Variants in ADAMTS19 observed in about 807,000 individuals in gnomAD.
ADAMTS19 encodes the protein ADAM metallopeptidase with thrombospondin type 1 motif 19, also known as A disintegrin and metalloproteinase with thrombospondin motifs 19.
ADAMTS19 carries 93 observed loss-of-function variants against 153.3 expected under a neutral mutation model. The observed-to-expected ratio is 0.61, with a 90% CI of 0.51 to 0.72. The LOEUF is 0.72. Ranked by LOEUF, ADAMTS19 falls within the 30% of genes least tolerant of loss-of-function variation. The pLI, the probability that ADAMTS19 is intolerant of heterozygous loss-of-function variation, is 0.00. For missense variants in ADAMTS19, 1,482 were observed against 1,552.1 expected (o/e 0.95, Z 0.76); for synonymous variants, 600 against 556.6 (o/e 1.08, Z -1.10).
chr5:129,504,100 A>G (rs892895619), intron 2 of ADAMTS19, among the ~76,000 whole-genome samples: 1 of 152,120 alleles, frequency 6.6e-6, no homozygotes, highest in Non-Finnish European at 1.5e-5. Flanking sequence ...TTTCAATTAT[A>G]TGAGTTTATT....
At chr5:129,562,300 G>C (rs762086396) in intron 7 of ADAMTS19, among the ~76,000 whole-genome samples, 3 of 152,148 alleles carry the variant, frequency 2.0e-5, no homozygotes, top group Non-Finnish European at 4.4e-5. Flanking sequence ...GTTGAGATTT[G>C]ATAAAATGAA....
In ADAMTS19 at chr5:129,528,545, G is replaced by A; in HGVS notation, c.1196G>A (p.Gly399Glu). Residue 399 changes from glycine to glutamate, a missense_variant, in exon 6 of 23, where the codon GGA becomes GAA. Physicochemically the swap from Gly to Glu is moderately conservative, Grantham distance 98. This residue lies in a region of ADAMTS19 where 866 missense variants were observed against 827.7 expected (regional missense o/e 1.05). Coordinates refer to ENST00000274487, the MANE Select transcript of ADAMTS19 (RefSeq NM_133638.6). Reference sequence around the variant, plus strand: ...CCAGAACTATATATTGGGCATCATGGAGAAAAAATGCTAGAGAGTTTTTGT... The same window carrying A: ...CCAGAACTATATATTGGGCATCATGAAGAAAAAATGCTAGAGAGTTTTTGT... ...TPPELYIGHH[G>E]EKMLESFCKW... 6.2e-7 allele frequency: 1 copy of A among 1,601,796 alleles called. No individual in the cohort carries two copies. Among genetic ancestry groups the A allele is most frequent in the Non-Finnish European group, 8.5e-7 (1 of 1,174,962 alleles).
At chr5:129,666,856 T>G (rs1413731410) in intron 16 of ADAMTS19, among the ~76,000 whole-genome samples, 1 of 152,206 alleles carries the variant, frequency 6.6e-6, no homozygotes, top group Non-Finnish European at 1.5e-5. Flanking sequence ...GCATGTATGT[T>G]TTCTTTTTTC....
chr5:129,560,667 C>T (rs1298287137), intron 7 of ADAMTS19, among the ~76,000 whole-genome samples: 1 of 152,160 alleles, frequency 6.6e-6, no homozygotes, highest in East Asian at 1.9e-4. Flanking sequence ...TTTCTCACTG[C>T]TGGAAGTAGA....
intron 21 of ADAMTS19, among the ~76,000 whole-genome samples, chr5:129,725,745 T>C (rs535979320): frequency 2.0e-5 from 3 of 152,164 alleles, no homozygotes; most frequent in South Asian, 4.1e-4. Flanking sequence ...TGCCTGACTA[T>C]CTAGCATAAC....
intron 7 of ADAMTS19, among the ~76,000 whole-genome samples, chr5:129,574,790 G>T (rs1754042928): frequency 6.7e-6 from 1 of 150,030 alleles, no homozygotes; most frequent in African/African-American, 2.5e-5. Flanking sequence ...TGCAGAAAAA[G>T]GTAAAAAAGC....
intron 7 of ADAMTS19, among the ~76,000 whole-genome samples, chr5:129,558,967 A>G (rs916187136): frequency 3.3e-5 from 5 of 152,128 alleles, no homozygotes; most frequent in Non-Finnish European, 5.9e-5. Context: ...AATGTTAATC[A>G]TAAAGAAGCT....
intron 2 of ADAMTS19, among the ~76,000 whole-genome samples, chr5:129,491,424 A>C (rs558787252): frequency 6.6e-6 from 1 of 152,274 alleles, no homozygotes; most frequent in South Asian, 2.1e-4. Context: ...TGTGAAAAGC[A>C]TTCTGTTATT....
At chr5:129,532,627 T>C (rs1260812103) in intron 6 of ADAMTS19, among the ~76,000 whole-genome samples, 1 of 152,184 alleles carries the variant, frequency 6.6e-6, no homozygotes, top group Non-Finnish European at 1.5e-5. Flanking sequence ...ACATAAAAAA[T>C]TGCACTTGAA....
chr5:129,612,185 C>T (rs1287783671), intron 8 of ADAMTS19, among the ~76,000 whole-genome samples: 3 of 142,162 alleles, frequency 2.1e-5, no homozygotes, highest in Non-Finnish European at 4.5e-5. Context: ...CATGTGTTCT[C>T]ATTATTCAAT....
chr5:129,701,715 TG>T, intron 20 of ADAMTS19, 123 bp downstream of exon 20: 1 of 1,015,618 alleles, frequency 9.8e-7, no homozygotes. Flanking sequence ...TTATTAATTT[TG>T]TTGATGATTA....
At chr5:129,471,641 T>G (rs1315454093) in intron 2 of ADAMTS19, among the ~76,000 whole-genome samples, 1 of 152,166 alleles carries the variant, frequency 6.6e-6, no homozygotes, top group Non-Finnish European at 1.5e-5. Flanking sequence ...TTACAAATTA[T>G]TTCATCACCC....
intron 8 of ADAMTS19, among the ~76,000 whole-genome samples, chr5:129,615,400 A>G (rs1751467408): frequency 6.6e-6 from 1 of 152,028 alleles, no homozygotes; most frequent in South Asian, 2.1e-4. Flanking sequence ...AATTTTAAGT[A>G]AATAAGAATC....
At chr5:129,679,118 C>T (rs2127114423) in intron 16 of ADAMTS19, among the ~76,000 whole-genome samples, 1 of 152,194 alleles carries the variant, frequency 6.6e-6, no homozygotes, top group South Asian at 2.1e-4. Flanking sequence ...ATTATGTAAA[C>T]AGAATTATTC....
intron 11 of ADAMTS19, among the ~76,000 whole-genome samples, chr5:129,643,722 C>T (rs1457088579): frequency 4.6e-5 from 7 of 152,118 alleles, no homozygotes; most frequent in Non-Finnish European, 2.9e-5. Context: ...TAATTGTTTA[C>T]AGACTGTGCC....
At chr5:129,682,613 G>T (rs1002838880) in intron 17 of ADAMTS19, among the ~76,000 whole-genome samples, 12 of 151,938 alleles carry the variant, frequency 7.9e-5, no homozygotes, top group Non-Finnish European at 7.4e-5. Flanking sequence ...AATAGTCTGG[G>T]TATAGTCGTA....
intron 4 of ADAMTS19, among the ~76,000 whole-genome samples, chr5:129,527,342 T>C: frequency 6.6e-6 from 1 of 150,810 alleles, no homozygotes; most frequent in Non-Finnish European, 1.5e-5. Flanking sequence ...TTACTATCTT[T>C]GCTATCATTT....
chr5:129,660,892 G>T (rs183325862), intron 15 of ADAMTS19, among the ~76,000 whole-genome samples: 60 of 152,162 alleles, frequency 3.9e-4, no homozygotes, highest in African/African-American at 1.4e-3. Flanking sequence ...CCAGCCTCGT[G>T]TCACACCAAG....
Position 129,510,803 on chromosome 5 carries a change from A to G in ADAMTS19, c.913+1561A>G, listed in dbSNP as rs183450451. 9.2e-4 allele frequency among the ~76,000 whole-genome samples: 139 copies of G among 151,442 alleles called. 2 individuals carry two copies. The East Asian group carries it at 0.022, about 24-fold the overall frequency. ...AAAATTCTGAATTATATAGGTTAAT[A>G]AAGGATAAATACAGAGTTCATGTTT... On this transcript the variant is annotated intron_variant, in intron 3 of 22. Coordinates refer to ENST00000274487, the MANE Select transcript of ADAMTS19 (RefSeq NM_133638.6).
Sources: gnomAD v4.1 joint callset for allele counts (sites outside exome capture counted in the v4.1 genomes callset) on GRCh38, gnomAD v4.1.1 for gene constraint, gnomAD v4.1.1 regional missense constraint, MANE v1.5 for transcripts, NCBI Gene and HGNC (gene_info 2026-07-23, HGNC 2026-07-21) for gene names.